MAN1A2: variants seen among roughly 807,000 people sequenced by gnomAD.
MAN1A2 encodes mannosidase alpha class 1A member 2.
A neutral mutation model predicts 75.7 loss-of-function variants in MAN1A2; 26 were observed. The observed-to-expected ratio is 0.34, with a 90% CI of 0.25 to 0.48. The LOEUF (loss-of-function observed/expected upper bound fraction) is 0.48. MAN1A2 is among the 20% of genes least tolerant of loss of function. MAN1A2 has a pLI of 0.99. For missense variants in MAN1A2, 562 were observed against 775.5 expected, an observed-to-expected ratio of 0.72 and a Z score of 3.27; for synonymous variants, 247 against 264.6, an observed-to-expected ratio of 0.93 and a Z score of 0.65.
chr1:117,429,051 T>C (rs1453478771), intron 5 of MAN1A2, among the ~76,000 whole-genome samples: 4 of 147,282 alleles, frequency 2.7e-5, no homozygotes, highest in Non-Finnish European at 6.0e-5. Context: ...AAGCATATCT[T>C]GCACCGCCCT....
chr1:117,387,970 C>T (rs998701884), intron 1 of MAN1A2, among the ~76,000 whole-genome samples: 1 of 143,772 alleles, frequency 7.0e-6, no homozygotes, highest in African/African-American at 2.6e-5. Flanking sequence ...CCACCCCCCG[C>T]CGTCATCTCC....
intron 12 of MAN1A2, among the ~76,000 whole-genome samples, chr1:117,514,401 A>G (rs952469336): frequency 6.6e-6 from 1 of 151,870 alleles, no homozygotes; most frequent in Non-Finnish European, 1.5e-5. Context: ...TTTATAAAAT[A>G]CTGGGGGCCA....
At chr1:117,378,810 T>C (rs1213583230) in intron 1 of MAN1A2, among the ~76,000 whole-genome samples, 2 of 152,152 alleles carry the variant, frequency 1.3e-5, no homozygotes, top group Non-Finnish European at 2.9e-5. Context: ...TTCAACATAT[T>C]TATTGACTAT....
chr1:117,400,486 C>T (rs1218182713), intron 1 of MAN1A2, among the ~76,000 whole-genome samples: 5 of 151,402 alleles, frequency 3.3e-5, no homozygotes, highest in African/African-American at 9.7e-5. Flanking sequence ...AAAAAAACTC[C>T]CTTGTGTTAT....
At chr1:117,385,683 A>G (rs1653499536) in intron 1 of MAN1A2, among the ~76,000 whole-genome samples, 1 of 150,026 alleles carries the variant, frequency 6.7e-6, no homozygotes, top group Non-Finnish European at 1.5e-5. Context: ...ATTACAGGAG[A>G]GGAATCCTGG....
intron 11 of MAN1A2, among the ~76,000 whole-genome samples, chr1:117,502,639 T>A (rs1162435335): frequency 6.6e-6 from 1 of 151,718 alleles, no homozygotes; most frequent in East Asian, 1.9e-4. Context: ...TTAAAGAGTT[T>A]TGGAGACAGA....
In MAN1A2 at chr1:117,482,625, A is replaced by T. The variant is rs567845979; in HGVS notation, c.1169-10522A>T. 7.9e-3 allele frequency among the ~76,000 whole-genome samples: 1,198 copies of T among 152,122 alleles called. 12 individuals are homozygous for T. Among genetic ancestry groups the T allele is most frequent in the African/African-American group, 0.027 (1,126 of 41,506 alleles). ...TTGTAAATTTGTTTCAGTTATTTGT[A>T]GATTCTGGATATTAGCCGCTTGTCA... On this transcript the variant is annotated intron_variant, in intron 8 of 12. Transcript: ENST00000356554.
At chr1:117,500,804 C>G (rs1449051048) in intron 11 of MAN1A2, among the ~76,000 whole-genome samples, 1 of 151,800 alleles carries the variant, frequency 6.6e-6, no homozygotes, top group Non-Finnish European at 1.5e-5. Context: ...AGAAGACAGC[C>G]AAACTATTGC....
chr1:117,437,872 G>A (rs1054935419), intron 5 of MAN1A2, among the ~76,000 whole-genome samples: 2 of 151,994 alleles, frequency 1.3e-5, no homozygotes, highest in African/African-American at 4.8e-5. Context: ...TATGGAAATG[G>A]GAGGAGAAAA....
intron 6 of MAN1A2, among the ~76,000 whole-genome samples, chr1:117,458,519 A>ATTTTTTTT (rs1649695560): frequency 1.0e-5 from 1 of 96,370 alleles, no homozygotes; most frequent in African/African-American, 4.3e-5. Context: ...ATAGATATAT[A>ATTTTTTTT]TATATTTTTT....
chr1:117,478,774 C>CT (rs1262791938), intron 8 of MAN1A2, among the ~76,000 whole-genome samples: 1 of 151,908 alleles, frequency 6.6e-6, no homozygotes, highest in African/African-American at 2.4e-5. Context: ...TAAATCTACA[C>CT]AATCAACACA....
intron 6 of MAN1A2, among the ~76,000 whole-genome samples, chr1:117,459,964 A>G (rs1649763005): frequency 6.6e-6 from 1 of 152,122 alleles, no homozygotes; most frequent in South Asian, 2.1e-4. Flanking sequence ...TGCACATTCA[A>G]ATTTTGAGAC....
At chr1:117,431,044 C>T (rs1162217636) in intron 5 of MAN1A2, among the ~76,000 whole-genome samples, 3 of 135,666 alleles carry the variant, frequency 2.2e-5, no homozygotes, top group African/African-American at 5.5e-5. Context: ...CCCGTCTCCA[C>T]CAAAACCAGT....
intron 1 of MAN1A2, among the ~76,000 whole-genome samples, chr1:117,375,413 T>A (rs1653102441): frequency 6.6e-6 from 1 of 152,208 alleles, no homozygotes; most frequent in African/African-American, 2.4e-5. Flanking sequence ...TGGGACAAGT[T>A]ATACAAATAG....
chr1:117,511,419 T>C (rs1175457849), intron 12 of MAN1A2, among the ~76,000 whole-genome samples: 1 of 151,990 alleles, frequency 6.6e-6, no homozygotes, highest in African/African-American at 2.4e-5. Context: ...AAGCAATCCT[T>C]CTACCTTAGC....
chr1:117,397,969 G>A (rs957998250), intron 1 of MAN1A2, among the ~76,000 whole-genome samples: 5 of 151,946 alleles, frequency 3.3e-5, no homozygotes, highest in African/African-American at 1.2e-4. Context: ...TCTTTTGACT[G>A]TTTGTAGCCT....
In MAN1A2 at chr1:117,502,886, G is replaced by A; in HGVS notation, c.1709G>A (p.Gly570Glu). 1 of 1,606,058 alleles carries A rather than the reference G, an allele frequency of 6.2e-7. No homozygotes were observed. Among genetic ancestry groups the A allele is most frequent in the Non-Finnish European group, 8.5e-7 (1 of 1,174,748 alleles). ...AIEKYCRVNGGFSGVKDVYSS... is the reference protein window; with the variant it reads ...AIEKYCRVNGEFSGVKDVYSS... ...GAAAAGTATTGCCGAGTTAATGGTG[G>A]GTTTTCTGGAGTCAAAGATGTATAT... The change falls in exon 12 of 13, where the codon GGG (glycine) becomes GAG (glutamate). Residue 570 changes from glycine to glutamate, a missense_variant. Coordinates refer to ENST00000356554, the MANE Select transcript of MAN1A2 (RefSeq NM_006699.5).
In MAN1A2 at chr1:117,522,558, C is replaced by G. The variant is rs555950259; in HGVS notation, c.1794-267C>G. The stretch of plus-strand genomic sequence containing the variant: ...TAGGAACAAGACAAAGGTGTCTGCT[C>G]TCTTCACCACACCTGGCCGGATTTT... On this transcript the variant is annotated intron_variant, in intron 12 of 12. Coordinates refer to ENST00000356554, the MANE Select transcript of MAN1A2 (RefSeq NM_006699.5). 6.6e-5 allele frequency among the ~76,000 whole-genome samples: 10 copies of G among 151,942 alleles called. No homozygotes were observed. In the South Asian group the frequency reaches 1.2e-3, roughly 19 times the overall value.
intron 1 of MAN1A2, among the ~76,000 whole-genome samples, chr1:117,400,117 C>T (rs1647371009): frequency 6.6e-6 from 1 of 152,076 alleles, no homozygotes; most frequent in East Asian, 1.9e-4. Context: ...GATCAGCCCT[C>T]ATGTCAGTTT....
Sources: gnomAD v4.1 joint callset for allele counts (sites outside exome capture counted in the v4.1 genomes callset) on GRCh38, gnomAD v4.1.1 for gene constraint, MANE v1.5 for transcripts, NCBI Gene and HGNC (gene_info 2026-07-23, HGNC 2026-07-21) for gene names.